Variants in FOXP1 observed in about 807,000 individuals in gnomAD.
FOXP1 encodes the protein forkhead box protein P1.
Under a neutral mutation model 98.2 loss-of-function variants are expected in FOXP1, and 15 were observed. That is an observed-to-expected ratio of 0.15 (90% confidence interval 0.10 to 0.24). The LOEUF (loss-of-function observed/expected upper bound fraction) is 0.24, where lower values mean the gene tolerates loss of function less well. Among genes scored for constraint, FOXP1 ranks in the 10% least tolerant of loss-of-function variants. The pLI is 1.00. For synonymous variants in FOXP1, 371 were observed against 314.5 expected (o/e 1.18, Z -1.90); for missense variants, 633 against 848.5 (o/e 0.75, Z 3.15).
chr3:71,260,616 C>T (rs2069046243), intron 5 of FOXP1, among the ~76,000 whole-genome samples: 1 of 149,862 alleles, frequency 6.7e-6, no homozygotes, highest in Admixed American at 6.6e-5. Flanking sequence ...GATCTGGGCT[C>T]ACTGCAACCT....
intron 5 of FOXP1, among the ~76,000 whole-genome samples, chr3:71,223,230 C>T (rs1423252885): frequency 1.3e-5 from 2 of 152,210 alleles, no homozygotes; most frequent in South Asian, 2.1e-4. Context: ...CCTGCTTCCT[C>T]CTCCACGAAC....
intron 4 of FOXP1, among the ~76,000 whole-genome samples, chr3:71,318,491 G>T (rs1046699324): frequency 3.9e-5 from 6 of 152,144 alleles, no homozygotes; most frequent in Non-Finnish European, 7.3e-5. Flanking sequence ...ACCGAAATTG[G>T]CTTTGAGGTT....
chr3:71,197,957 C>G, intron 6 of FOXP1: 1 of 1,614,194 alleles, frequency 6.2e-7, no homozygotes, highest in East Asian at 2.2e-5. Context: ...TTCGTCTCAG[C>G]AACTGCTCCC....
chr3:70,973,645 A>G (rs1413691295), intron 17 of FOXP1, among the ~76,000 whole-genome samples: 1 of 152,090 alleles, frequency 6.6e-6, no homozygotes, highest in Non-Finnish European at 1.5e-5. Context: ...TCCAGACTCA[A>G]CGCTGGACAT....
intron 7 of FOXP1, among the ~76,000 whole-genome samples, chr3:71,078,411 C>T (rs1038104835): frequency 2.0e-5 from 3 of 151,912 alleles, no homozygotes; most frequent in Admixed American, 6.6e-5. Flanking sequence ...TTAGACTCTT[C>T]GAAAATTAAA....
At chr3:71,429,802 T>A (rs971940294) in intron 3 of FOXP1, among the ~76,000 whole-genome samples, 21 of 152,196 alleles carry the variant, frequency 1.4e-4, no homozygotes, top group Non-Finnish European at 2.4e-4. Flanking sequence ...CGGTGCCTGA[T>A]CTCACTCACC....
chr3:71,438,166 T>C (rs1213679560), intron 3 of FOXP1, among the ~76,000 whole-genome samples: 1 of 152,196 alleles, frequency 6.6e-6, no homozygotes, highest in African/African-American at 2.4e-5. Context: ...ATTACAGGAA[T>C]GGAATAACAT....
chr3:71,142,372 G>T (rs974577678), intron 6 of FOXP1, among the ~76,000 whole-genome samples: 4 of 152,186 alleles, frequency 2.6e-5, no homozygotes, highest in African/African-American at 9.7e-5. Flanking sequence ...GGGTTTTGTG[G>T]ATGTAATTAA....
At chr3:71,460,186 C>G (rs555082405) in intron 3 of FOXP1, among the ~76,000 whole-genome samples, 3 of 151,738 alleles carry the variant, frequency 2.0e-5, no homozygotes, top group African/African-American at 4.8e-5. Flanking sequence ...CGTCCATCTT[C>G]TTGATATTAG....
chr3:71,529,442 C>T (rs2043650872), intron 2 of FOXP1, among the ~76,000 whole-genome samples: 1 of 152,136 alleles, frequency 6.6e-6, no homozygotes, highest in Admixed American at 6.5e-5. Context: ...TTTGGAAACC[C>T]CAAAGTGATA....
At chr3:71,249,228 C>A (rs1357015596) in intron 5 of FOXP1, among the ~76,000 whole-genome samples, 8 of 152,330 alleles carry the variant, frequency 5.3e-5, no homozygotes, top group Admixed American at 3.3e-4. Context: ...GGCATTTAGC[C>A]CTGGCTCCAG....
intron 3 of FOXP1, among the ~76,000 whole-genome samples, chr3:71,383,413 A>G (rs989434452): frequency 8.5e-5 from 13 of 152,362 alleles, no homozygotes; most frequent in African/African-American, 3.1e-4. Context: ...CCTAGGATTT[A>G]GGGCAGACAT....
chr3:71,564,621 G>A (rs565977614), intron 2 of FOXP1, among the ~76,000 whole-genome samples: 2 of 152,314 alleles, frequency 1.3e-5, no homozygotes, highest in African/African-American at 4.8e-5. Context: ...CATTGGATGA[G>A]GATTTGGTTA....
chr3:71,166,159 T>C (rs1430205356), intron 6 of FOXP1, among the ~76,000 whole-genome samples: 1 of 152,112 alleles, frequency 6.6e-6, no homozygotes. Flanking sequence ...TTCTGTGTAG[T>C]ATGTGCAGGG....
chr3:71,267,584 CA>C (rs1341912372), intron 5 of FOXP1, among the ~76,000 whole-genome samples: 1 of 152,074 alleles, frequency 6.6e-6, no homozygotes, highest in Admixed American at 6.5e-5. Flanking sequence ...GCTAAAAATG[CA>C]AGAATAGAGA....
chr3:70,982,757 A>T (rs2039080757), intron 14 of FOXP1, among the ~76,000 whole-genome samples: 2 of 152,134 alleles, frequency 1.3e-5, no homozygotes, highest in Admixed American at 1.3e-4. Flanking sequence ...TCCTGTTTAA[A>T]GATGATGAGT....
At chr3:71,371,874 T>C (rs2079345615) in intron 3 of FOXP1, among the ~76,000 whole-genome samples, 1 of 152,178 alleles carries the variant, frequency 6.6e-6, no homozygotes, top group Admixed American at 6.5e-5. Context: ...AATAACCACA[T>C]GGAGCCACAC....
chr3:71,168,093 G>A (rs1300312291), intron 6 of FOXP1, among the ~76,000 whole-genome samples: 1 of 151,846 alleles, frequency 6.6e-6, no homozygotes, highest in Non-Finnish European at 1.5e-5. Flanking sequence ...CTAAAACCAG[G>A]GCAAGAGTAC....
intron 6 of FOXP1, among the ~76,000 whole-genome samples, chr3:71,177,459 G>A (rs564362315): frequency 6.6e-6 from 1 of 152,272 alleles, no homozygotes; most frequent in Admixed American, 6.5e-5. Flanking sequence ...GGGAAGGAGA[G>A]CAGGCAAAAT....
Sources: allele counts gnomAD v4.1 joint callset (sites outside exome capture counted in the v4.1 genomes callset), GRCh38; gene constraint gnomAD v4.1.1; transcripts MANE v1.5; gene names NCBI Gene and HGNC (gene_info 2026-07-23, HGNC 2026-07-21).